FAM174B: variants seen among roughly 807,000 people sequenced by gnomAD.
FAM174B encodes membrane protein FAM174B.
Under a neutral mutation model 10.9 loss-of-function variants are expected in FAM174B, and 12 were observed. That is an observed-to-expected ratio of 1.10 (90% CI 0.71 to 1.79). FAM174B has a LOEUF of 1.79. Among genes scored for constraint, FAM174B ranks in the 40% most tolerant of loss-of-function variants. The pLI, the probability that FAM174B is intolerant of heterozygous loss-of-function variation, is 0.00. For synonymous variants in FAM174B, 132 were observed against 115.8 expected, an observed-to-expected ratio of 1.14 and a Z score of -0.90; for missense variants, 266 against 233.3, an observed-to-expected ratio of 1.14 and a Z score of -0.91.
chr15:92,648,287 T>C (rs1035073142), intron 1 of FAM174B, among the ~76,000 whole-genome samples: 1 of 152,156 alleles, frequency 6.6e-6, no homozygotes, highest in Non-Finnish European at 1.5e-5. Flanking sequence ...CTTTAAATAT[T>C]TGTAGAGTTT....
At chr15:92,624,855 G>A (rs984603328) in intron 2 of FAM174B, among the ~76,000 whole-genome samples, 32 of 152,314 alleles carry the variant, frequency 2.1e-4, no homozygotes, top group African/African-American at 7.7e-4. Context: ...CACAGCTGCC[G>A]GGCCGCCTGC....
chr15:92,649,089 C>A (rs183080512), intron 1 of FAM174B, among the ~76,000 whole-genome samples: 52 of 152,324 alleles, frequency 3.4e-4, no homozygotes, highest in African/African-American at 1.3e-3. Context: ...CCCTTAGTCC[C>A]CACTGCTTAC....
intron 2 of FAM174B, among the ~76,000 whole-genome samples, chr15:92,626,507 T>C (rs900671198): frequency 2.0e-5 from 3 of 152,294 alleles, no homozygotes; most frequent in African/African-American, 4.8e-5. Flanking sequence ...AATCATGAGA[T>C]GGCGGCTTGC....
In FAM174B at chr15:92,619,017, T is replaced by C; in HGVS notation, c.*439A>G. ...GATCAGATGGGGTCCAATGTGTAGA[T>C]CCAGTAGAGAAGAATGTCGGAAATT... is the stretch of plus-strand genomic sequence containing the variant. On this transcript the variant is annotated 3_prime_UTR_variant, in exon 3 of 3. Transcript: ENST00000327355. 1.7e-6 allele frequency: 1 copy of C among 604,354 alleles called. No individual in the cohort carries two copies. The highest frequency in any genetic ancestry group is 2.9e-6 in the Non-Finnish European group (1 of 340,936). The allele number at this position is 604,354 out of a possible 1,614,324, so 37.4% of individuals were successfully genotyped here.
chr15:92,625,830 C>G lies in FAM174B; in HGVS notation c.476+4384G>C, dbSNP rs2050749003. ...GCCAGCACTACTTAGTCTTTCCGAA[C>G]AGTCAGTCATCTTTAGGCCTGAGGA... On this transcript the variant is annotated intron_variant, in intron 2 of 2. Coordinates refer to ENST00000327355, the MANE Select transcript of FAM174B (RefSeq NM_207446.3). Among the ~76,000 whole-genome samples, 3 of 152,196 alleles carry G rather than the reference C, an allele frequency of 2.0e-5. No individual in the cohort carries two copies. In the South Asian group the frequency reaches 6.2e-4, roughly 31 times the overall value.
At chr15:92,632,400 G>A (rs192723895) in intron 1 of FAM174B, among the ~76,000 whole-genome samples, 10 of 152,302 alleles carry the variant, frequency 6.6e-5, no homozygotes, top group Non-Finnish European at 1.0e-4. Flanking sequence ...AAAATTAGCT[G>A]GGCATGGTGG....
At chr15:92,621,928 C>T (rs548534442) in intron 2 of FAM174B, among the ~76,000 whole-genome samples, 27 of 152,186 alleles carry the variant, frequency 1.8e-4, no homozygotes, top group Non-Finnish European at 2.9e-4. Context: ...AGGTCAATGT[C>T]GAGGATGAAG....
At chr15:92,646,953 G>A (rs1163703786) in intron 1 of FAM174B, among the ~76,000 whole-genome samples, 1 of 152,136 alleles carries the variant, frequency 6.6e-6, no homozygotes, top group Non-Finnish European at 1.5e-5. Flanking sequence ...ACCACCTTGG[G>A]CACATGTTCT....
intron 1 of FAM174B, among the ~76,000 whole-genome samples, chr15:92,649,655 A>T (rs1222166663): frequency 6.6e-6 from 1 of 152,220 alleles, no homozygotes; most frequent in Non-Finnish European, 1.5e-5. Flanking sequence ...TAAACTGCCC[A>T]TATCAGACAA....
intron 1 of FAM174B, among the ~76,000 whole-genome samples, chr15:92,648,390 A>T (rs1373768927): frequency 6.6e-6 from 1 of 152,170 alleles, no homozygotes; most frequent in African/African-American, 2.4e-5. Context: ...CTCTATGTTC[A>T]CAGTGGGTGC....
chr15:92,623,266 T>A (rs1209642073), intron 2 of FAM174B, among the ~76,000 whole-genome samples: 15 of 151,986 alleles, frequency 9.9e-5, no homozygotes. Flanking sequence ...GTGAAGAGAA[T>A]TATCAGGCTT....
chr15:92,648,199 T>A (rs955409504), intron 1 of FAM174B, among the ~76,000 whole-genome samples: 3 of 152,192 alleles, frequency 2.0e-5, no homozygotes, highest in Admixed American at 6.5e-5. Context: ...CCTGACCACC[T>A]CGGGCCCACG....
intron 1 of FAM174B, among the ~76,000 whole-genome samples, chr15:92,638,849 C>G (rs889705179): frequency 6.6e-6 from 1 of 152,218 alleles, no homozygotes; most frequent in East Asian, 1.9e-4. Flanking sequence ...ATAGGCACAT[C>G]CCTGCCACGG....
chr15:92,655,754 C>A lies in FAM174B; in HGVS notation c.-95G>T, dbSNP rs1370368406. The A allele has an allele frequency of 7.4e-6, 8 of 1,083,938 alleles. No homozygotes were observed. In the Admixed American group the frequency reaches 1.8e-4, roughly 25 times the overall value. The allele number at this position is 1,083,938 out of a possible 1,614,324, so 67.1% of individuals were successfully genotyped here. A position where few individuals can be genotyped will look rare whatever the true frequency, so the allele number is the denominator to read the frequency against. On this transcript the variant is annotated 5_prime_UTR_variant, in exon 1 of 3. Transcript: ENST00000327355. ...AGGCCTGCACCGGGGGATCCTGCGGCGGAGGCGGCTGCGCGGTGCTTGGCA... is the reference window on the plus strand; with the variant it reads ...AGGCCTGCACCGGGGGATCCTGCGGAGGAGGCGGCTGCGCGGTGCTTGGCA...
intron 2 of FAM174B, among the ~76,000 whole-genome samples, chr15:92,628,337 GCTT>G (rs1451197991): frequency 1.2e-5 from 1 of 82,288 alleles, no homozygotes; most frequent in African/African-American, 4.9e-5. Flanking sequence ...GCTAATTTTT[GCTT>G]TTTTTTTTTT....
chr15:92,641,911 T>C (rs1483105648), intron 1 of FAM174B, among the ~76,000 whole-genome samples: 4 of 152,208 alleles, frequency 2.6e-5, no homozygotes, highest in African/African-American at 7.2e-5. Flanking sequence ...TTGCAAACTA[T>C]ACATCTGATC....
At chr15:92,650,336 G>C (rs17647874) in intron 1 of FAM174B, among the ~76,000 whole-genome samples, 27,572 of 152,078 alleles carry the variant, frequency 0.18, 2,664 homozygotes, top group East Asian at 0.25. Flanking sequence ...ACTGACAGCT[G>C]GGCAATGTCA....
intron 1 of FAM174B, among the ~76,000 whole-genome samples, chr15:92,650,861 C>T (rs1159741304): frequency 1.3e-5 from 2 of 152,214 alleles, no homozygotes; most frequent in Non-Finnish European, 2.9e-5. Flanking sequence ...GTTCACCACA[C>T]CAGGTACCTG....
chr15:92,631,482 T>TAA (rs1555421196), intron 1 of FAM174B, among the ~76,000 whole-genome samples: 1 of 56,250 alleles, frequency 1.8e-5, no homozygotes, highest in African/African-American at 9.0e-5. Context: ...TTATAATATA[T>TAA]TATATATATA....
Sources: allele counts gnomAD v4.1 joint callset (sites outside exome capture counted in the v4.1 genomes callset), GRCh38; gene constraint gnomAD v4.1.1; transcripts MANE v1.5; gene names NCBI Gene and HGNC (gene_info 2026-07-23, HGNC 2026-07-21).